OCRL: variants seen among roughly 807,000 people sequenced by gnomAD.
OCRL encodes the protein OCRL inositol polyphosphate-5-phosphatase, also known as inositol polyphosphate 5-phosphatase OCRL.
Under a neutral mutation model 78.9 loss-of-function variants are expected in OCRL, and 8 were observed. The ratio of observed to expected loss-of-function variants is 0.10; its 90% CI spans 0.06 to 0.18. The LOEUF (loss-of-function observed/expected upper bound fraction) is 0.18, where lower values mean the gene tolerates loss of function less well. Ranked by LOEUF, OCRL falls within the 10% of genes least tolerant of loss-of-function variation. The pLI is 1.00. For missense variants in OCRL, 454 were observed against 696.7 expected (o/e 0.65, Z 3.92); for synonymous variants, 240 against 235.4 (o/e 1.02, Z -0.18).
At chrX:129,582,045 A>G (rs1936450366) in intron 18 of OCRL, among the ~76,000 whole-genome samples, 2 of 108,410 alleles carry the variant, frequency 1.8e-5, no homozygotes, top group African/African-American at 3.4e-5. Context: ...TCTGACTTCA[A>G]CATACCTTTT....
intron 2 of OCRL, among the ~76,000 whole-genome samples, chrX:129,542,183 C>A (rs1276124890): frequency 9.2e-6 from 1 of 108,242 alleles, no homozygotes; most frequent in Middle Eastern, 4.8e-3. Flanking sequence ...GACCACAGCC[C>A]AGAATCTAGT....
intron 18 of OCRL, among the ~76,000 whole-genome samples, chrX:129,580,367 A>G (rs1208569704): frequency 8.9e-6 from 1 of 112,219 alleles, no homozygotes; most frequent in African/African-American, 3.2e-5. Flanking sequence ...AGTGAAGATC[A>G]AGGATAAGAA....
chrX:129,573,266 AT>A (rs1936325479), intron 15 of OCRL, among the ~76,000 whole-genome samples: 1 of 111,835 alleles, frequency 8.9e-6, no homozygotes, highest in South Asian at 3.7e-4. Flanking sequence ...TGCAGAACGT[AT>A]AGGCTTGTTA....
At position 129,558,999 on chromosome X, in the gene OCRL, C is replaced by G; in HGVS notation, c.720C>G (p.Phe240Leu). ...AAGAATATGTCAACATTCAGACTTT[C>G]AGGTTAGTGTCTCTTTTGCTTCCTG... ...REKEYVNIQT[F>L]RFFVGTWNVN... The change falls in exon 8 of 24, where the codon TTC becomes TTG. Residue 240 changes from phenylalanine (F) to leucine (L), a missense_variant and splice_region_variant. Physicochemically the swap from Phe to Leu is conservative, Grantham distance 22. This residue lies in a region of OCRL where 277 missense variants were observed against 517.1 expected (regional missense o/e 0.54). Transcript: ENST00000371113. 1 of 1,209,335 alleles carries G rather than the reference C, an allele frequency of 8.3e-7. No homozygotes were observed. Among genetic ancestry groups the G allele is most frequent in the Non-Finnish European group, 1.1e-6 (1 of 893,772 alleles).
At chrX:129,567,520 A>C (rs1183481373) in intron 14 of OCRL, among the ~76,000 whole-genome samples, 157 bp downstream of exon 14, 2 of 112,187 alleles carry the variant, frequency 1.8e-5, no homozygotes, top group African/African-American at 6.5e-5. Flanking sequence ...GAACAATAAG[A>C]GTGTTTCATT....
In OCRL at chrX:129,590,215, G is replaced by A. The variant is rs756039691; in HGVS notation, c.2651G>A (p.Arg884His). The change falls in exon 24 of 24, where the codon CGC (arginine) becomes CAC (histidine). Residue 884 changes from arginine to histidine, a missense_variant. Coordinates refer to ENST00000371113, the MANE Select transcript of OCRL (RefSeq NM_000276.4). ...NLMARQTPSD[R>H]QRAIQFLLGF... ...ATGGCAAGACAGACTCCAAGTGACC[G>A]CCAGCGTGCTATTCAGTTCCTTCTG... is the stretch of plus-strand genomic sequence containing the variant. The A allele has an allele frequency of 2.5e-6, 3 of 1,211,296 alleles. No homozygotes were observed. The highest frequency in any genetic ancestry group is 2.2e-6 in the Non-Finnish European group (2 of 895,226).
chrX:129,555,332 G>A (rs1936027926), intron 4 of OCRL, among the ~76,000 whole-genome samples: 1 of 110,609 alleles, frequency 9.0e-6, no homozygotes, highest in Non-Finnish European at 1.9e-5. Context: ...AAAAGTAGCC[G>A]GACATGGTGG....
chrX:129,575,272 C>A, intron 16 of OCRL, 22 bp downstream of exon 16: 1 of 979,606 alleles, frequency 1.0e-6, no homozygotes, highest in Non-Finnish European at 1.5e-6. Flanking sequence ...TACATGATCT[C>A]CCTGTCTACT....
At chrX:129,588,285 TAAG>T (rs1163972296) in intron 21 of OCRL, 22 bp downstream of exon 21, 19 of 1,093,017 alleles carry the variant, frequency 1.7e-5, no homozygotes, top group Non-Finnish European at 2.2e-5. Flanking sequence ...GACCAAAGCT[TAAG>T]AAGCTGGATG....
At chrX:129,585,393 T>C (rs1288484815) in intron 19 of OCRL, among the ~76,000 whole-genome samples, 3 of 112,459 alleles carry the variant, frequency 2.7e-5, no homozygotes, top group Non-Finnish European at 5.6e-5. Flanking sequence ...AATGCCTTAG[T>C]ACAGGAAAAG....
chrX:129,540,706 C>T (rs751067864), intron 1 of OCRL, 38 bp from the exon 2 acceptor site: 2 of 1,137,112 alleles, frequency 1.8e-6, no homozygotes, highest in African/African-American at 3.6e-5. Context: ...CTCCTCCCCA[C>T]CGCGCTTCCG....
intron 4 of OCRL, among the ~76,000 whole-genome samples, chrX:129,554,878 G>A (rs953395772): frequency 4.6e-5 from 5 of 108,656 alleles, no homozygotes; most frequent in Non-Finnish European, 9.5e-5. Context: ...CTTGAACCCG[G>A]GAGGTGGAGG....
intron 15 of OCRL, among the ~76,000 whole-genome samples, chrX:129,571,363 G>GTTTTTTTTT (rs1301308479): frequency 1.2e-5 from 1 of 80,522 alleles, no homozygotes. Flanking sequence ...TTGTTTTTTG[G>GTTTTTTTTT]TTTTTTTTTT....
intron 4 of OCRL, among the ~76,000 whole-genome samples, chrX:129,556,395 G>C (rs1267283893): frequency 9.0e-6 from 1 of 111,422 alleles, no homozygotes; most frequent in Non-Finnish European, 1.9e-5. Context: ...TGGGACAGTT[G>C]GTCACCCTAG....
At chrX:129,557,253 A>G (rs1050153958) in intron 4 of OCRL, 72 bp from the exon 5 acceptor site, 10 of 878,071 alleles carry the variant, frequency 1.1e-5, no homozygotes, top group Admixed American at 4.6e-5. Context: ...TTAACCTGAT[A>G]AGTTGAGAAT....
intron 4 of OCRL, among the ~76,000 whole-genome samples, chrX:129,555,834 G>A (rs1055940045): frequency 8.9e-6 from 1 of 112,095 alleles, no homozygotes; most frequent in African/African-American, 3.2e-5. Context: ...CTAAATTTAT[G>A]TCAGATAGAA....
intron 4 of OCRL, among the ~76,000 whole-genome samples, chrX:129,550,444 A>C (rs919927562): frequency 8.9e-6 from 1 of 112,191 alleles, no homozygotes; most frequent in Non-Finnish European, 1.9e-5. Context: ...TATTAAATTA[A>C]CTTCTTTATA....
chrX:129,565,098 G>T (rs780887543), intron 12 of OCRL, among the ~76,000 whole-genome samples: 2 of 111,813 alleles, frequency 1.8e-5, no homozygotes, highest in Admixed American at 9.4e-5. Flanking sequence ...ATTTGAGATT[G>T]TCAGAATGAC....
In OCRL at chrX:129,563,205, T is replaced by A. The variant is rs904249207; in HGVS notation, c.1244+419T>A. On this transcript the variant is annotated intron_variant, in intron 12 of 23. Transcript: ENST00000371113. ...TGTGTAGCCTTTTAGATCTGTACTG[T>A]CCAATATGACAACCAGTAGCCATAT... 2.2e-4 allele frequency among the ~76,000 whole-genome samples: 25 copies of A among 111,949 alleles called. 1 individual carries two copies. The Admixed American group carries it at 2.3e-3, about 10-fold the overall frequency.
Sources: gnomAD v4.1 joint callset for allele counts (sites outside exome capture counted in the v4.1 genomes callset) on GRCh38, gnomAD v4.1.1 for gene constraint, gnomAD v4.1.1 regional missense constraint, MANE v1.5 for transcripts, NCBI Gene and HGNC (gene_info 2026-07-23, HGNC 2026-07-21) for gene names.